Variants in LRRC37A2 observed in about 807,000 individuals in gnomAD.
LRRC37A2 encodes the protein leucine rich repeat containing 37 member A2, also known as leucine-rich repeat-containing protein 37A2.
LRRC37A2 carries 9 observed loss-of-function variants against 68.8 expected under a neutral mutation model. That is an observed-to-expected ratio of 0.13 (90% CI 0.08 to 0.23). The LOEUF (loss-of-function observed/expected upper bound fraction) is 0.23, where lower values mean the gene tolerates loss of function less well. Among genes scored for constraint, LRRC37A2 ranks in the 10% least tolerant of loss-of-function variants. LRRC37A2 has a pLI of 1.00. For missense variants in LRRC37A2, 168 were observed against 950.4 expected (o/e 0.18, Z 10.82); for synonymous variants, 63 against 367.6 (o/e 0.17, Z 9.48).
the LRRC37A2 span, among the ~76,000 whole-genome samples, chr17:46,926,728 A>C: frequency 6.6e-6 from 1 of 152,152 alleles, no homozygotes; most frequent in African/African-American, 2.4e-5. Flanking sequence ...TTGTTGTTTC[A>C]TATTTATGTT....
chr17:46,893,798 C>A, the LRRC37A2 span, among the ~76,000 whole-genome samples: 1 of 152,180 alleles, frequency 6.6e-6, no homozygotes, highest in Non-Finnish European at 1.5e-5. Flanking sequence ...GAGCCCAATT[C>A]ATTCTCCTGA....
chr17:46,923,356 C>T, the LRRC37A2 span: 4 of 1,506,638 alleles, frequency 2.7e-6, no homozygotes, highest in Non-Finnish European at 3.5e-6. Context: ...GGGGATGCCT[C>T]CGAAGTGCTT....
At chr17:46,595,514 G>T in the LRRC37A2 span, among the ~76,000 whole-genome samples, 2 of 118,714 alleles carry the variant, frequency 1.7e-5, no homozygotes, top group African/African-American at 4.7e-5. Context: ...TTTTTGAGAC[G>T]GAGTCTTGCT....
the LRRC37A2 span, among the ~76,000 whole-genome samples, chr17:46,973,500 G>A: frequency 2.0e-5 from 3 of 151,904 alleles, no homozygotes; most frequent in Non-Finnish European, 4.4e-5. Flanking sequence ...GAGATCTAGC[G>A]TTCCCCATGG....
intron 6 of LRRC37A2, among the ~76,000 whole-genome samples, chr17:46,531,924 GTCTTATCGTTTTGGC>G (rs1278781354): frequency 7.3e-6 from 1 of 137,438 alleles, no homozygotes; most frequent in Non-Finnish European, 1.5e-5. Flanking sequence ...TTGTGTAAGA[GTCTTATCGTTTTGGC>G]TCTTACATTT....
At chr17:46,735,448 T>G in the LRRC37A2 span, among the ~76,000 whole-genome samples, 1 of 152,110 alleles carries the variant, frequency 6.6e-6, no homozygotes, top group Non-Finnish European at 1.5e-5. Flanking sequence ...ACTTACTCTT[T>G]GTATTGAACT....
chr17:46,905,047 G>T, the LRRC37A2 span, among the ~76,000 whole-genome samples: 1 of 152,056 alleles, frequency 6.6e-6, no homozygotes, highest in African/African-American at 2.4e-5. Flanking sequence ...AAGGGGAATG[G>T]CAGCGGCCCT....
the LRRC37A2 span, chr17:46,939,704 C>G: frequency 7.1e-6 from 7 of 985,438 alleles, no homozygotes; most frequent in Non-Finnish European, 7.2e-6. Flanking sequence ...CCAGTGTGGG[C>G]AGATCCCACC....
the LRRC37A2 span, among the ~76,000 whole-genome samples, chr17:46,856,746 A>T: frequency 6.6e-6 from 1 of 151,036 alleles, no homozygotes; most frequent in Non-Finnish European, 1.5e-5. Flanking sequence ...AGCCTCCCAA[A>T]GTGCTAGAAT....
At chr17:46,935,744 A>C in the LRRC37A2 span, 357 of 987,856 alleles carry the variant, frequency 3.6e-4, 1 homozygote, top group Middle Eastern at 5.2e-3. Context: ...GTATTCCTAG[A>C]AGCCCTGACC....
At chr17:46,454,170 TCA>T in the LRRC37A2 span, among the ~76,000 whole-genome samples, 1 of 104,858 alleles carries the variant, frequency 9.5e-6, no homozygotes, top group South Asian at 4.2e-4. Context: ...TCGGAAAGTC[TCA>T]GTCATTGCAA....
At chr17:47,037,954 TTA>T in the LRRC37A2 span, among the ~76,000 whole-genome samples, 1 of 152,166 alleles carries the variant, frequency 6.6e-6, no homozygotes, top group African/African-American at 2.4e-5. Flanking sequence ...TTATAATCCT[TTA>T]TGTCTCTAAG....
chr17:46,864,040 A>C, the LRRC37A2 span, among the ~76,000 whole-genome samples: 3 of 152,200 alleles, frequency 2.0e-5, no homozygotes, highest in Non-Finnish European at 4.4e-5. Context: ...CACTGTCCTC[A>C]TCATTGAGGG....
chr17:46,418,307 C>T, the LRRC37A2 span, among the ~76,000 whole-genome samples: 1 of 63,814 alleles, frequency 1.6e-5, no homozygotes, highest in African/African-American at 4.0e-5. Flanking sequence ...ATCAAGTTGC[C>T]CTCCTGGGGA....
At chr17:46,878,220 G>A in the LRRC37A2 span, among the ~76,000 whole-genome samples, 1 of 152,260 alleles carries the variant, frequency 6.6e-6, no homozygotes, top group Non-Finnish European at 1.5e-5. Context: ...TGCTGGCCCT[G>A]CCACGCCCAT....
the LRRC37A2 span, among the ~76,000 whole-genome samples, chr17:46,811,693 G>A: frequency 2.6e-5 from 4 of 152,200 alleles, no homozygotes; most frequent in Admixed American, 1.3e-4. Flanking sequence ...GGTGGCTCAC[G>A]CCTATAATCC....
the LRRC37A2 span, among the ~76,000 whole-genome samples, chr17:46,724,473 G>T: frequency 1.3e-5 from 2 of 152,286 alleles, no homozygotes; most frequent in East Asian, 3.9e-4. Flanking sequence ...GGTGAATCAT[G>T]CAGTGACTCC....
chr17:46,998,495 A>C, the LRRC37A2 span, among the ~76,000 whole-genome samples: 2 of 152,224 alleles, frequency 1.3e-5, no homozygotes, highest in Non-Finnish European at 2.9e-5. Context: ...ACAAGAGTAT[A>C]AAATGGGCAG....
the LRRC37A2 span, among the ~76,000 whole-genome samples, chr17:46,655,880 C>CT: frequency 6.7e-5 from 6 of 89,562 alleles, no homozygotes; most frequent in Admixed American, 4.3e-4. Flanking sequence ...AGATCGAACC[C>CT]TTTTTTTTCA....
Sources: allele counts gnomAD v4.1 joint callset (sites outside exome capture counted in the v4.1 genomes callset), GRCh38; gene constraint gnomAD v4.1.1; transcripts MANE v1.5; gene names NCBI Gene and HGNC (gene_info 2026-07-23, HGNC 2026-07-21).